The following KDM4B variants were observed in gnomAD, a reference collection of about 807,000 sequenced individuals.
KDM4B encodes lysine-specific demethylase 4B.
KDM4B carries 32 observed loss-of-function variants against 125.2 expected under a neutral mutation model. The observed-to-expected ratio is 0.26, with a 90% CI of 0.19 to 0.34. The LOEUF (loss-of-function observed/expected upper bound fraction) is 0.34. Ranked by LOEUF, KDM4B falls within the 10% of genes least tolerant of loss-of-function variation. The pLI is 1.00. For missense variants in KDM4B, 1,190 were observed against 1,577.7 expected, an observed-to-expected ratio of 0.75 and a Z score of 4.16; for synonymous variants, 721 against 677.9, an observed-to-expected ratio of 1.06 and a Z score of -0.99.
rs1200769258 is a variant in KDM4B at position 5,082,291 on chromosome 19, C to A, written c.781-76C>A. On this transcript the variant is annotated intron_variant, in intron 8 of 22. Transcript: ENST00000159111. The surrounding 1 kb of genome is among the most constrained non-coding windows in gnomAD (Gnocchi z 5.4). ...CATAAGCCAGGCTCCCTGGCACTTG[C>A]TGGGAAGTGCCCACGTCCCATCCCC... 11 of 1,576,304 alleles carry A rather than the reference C, an allele frequency of 7.0e-6. No individual in the cohort carries two copies. The Admixed American group carries it at 1.9e-4, about 27-fold the overall frequency.
At chr19:5,014,909 T>C (rs2035844128) in intron 1 of KDM4B, among the ~76,000 whole-genome samples, 6 of 151,018 alleles carry the variant, frequency 4.0e-5, no homozygotes. Flanking sequence ...GCAGGAGAAT[T>C]GCTTGAACCC....
At chr19:5,083,219 T>A (rs1460186811) in intron 9 of KDM4B, among the ~76,000 whole-genome samples, 1 of 152,162 alleles carries the variant, frequency 6.6e-6, no homozygotes, top group Non-Finnish European at 1.5e-5. Context: ...CGTACAGCCA[T>A]CTGTGTGGCT....
chr19:5,075,414 C>T (rs1409588071), intron 7 of KDM4B: 2 of 152,300 alleles, frequency 1.3e-5, no homozygotes, highest in Admixed American at 1.3e-4. Flanking sequence ...CGGGTCTTCA[C>T]CTTGTGATTT....
At chr19:5,118,959 G>A (rs567687483) in intron 10 of KDM4B, among the ~76,000 whole-genome samples, 1 of 152,340 alleles carries the variant, frequency 6.6e-6, no homozygotes, top group South Asian at 2.1e-4. Context: ...TGTGGGCACA[G>A]GTCAGAGCAG....
At position 5,113,867 on chromosome 19, in the gene KDM4B, G is replaced by A. The variant is rs559185914; in HGVS notation, c.1115+3049G>A. 3 of 984,690 alleles carry A rather than the reference G, an allele frequency of 3.0e-6. No homozygotes were observed. The African/African-American group carries it at 5.2e-5, about 17-fold the overall frequency. 61.0% of individuals were successfully genotyped at this position (984,690 alleles called of 1,614,324 possible). On this transcript the variant is annotated intron_variant, in intron 10 of 22. Transcript: ENST00000159111. ...CCTGCCCTCGGCGTGGCTGTGGGATGGCCCTCATGTGTTTACCAGGTGCCC... is the reference window on the plus strand; with the variant it reads ...CCTGCCCTCGGCGTGGCTGTGGGATAGCCCTCATGTGTTTACCAGGTGCCC...
chr19:5,131,663 A>G lies in KDM4B; in HGVS notation c.1785+118A>G, dbSNP rs566929464. 6.3e-4 allele frequency: 140 copies of G among 222,974 alleles called. 2 individuals are homozygous for G. In the African/African-American group the frequency reaches 0.011, roughly 18 times the overall value. The allele number at this position is 222,974 out of a possible 1,614,324, so 13.8% of individuals were successfully genotyped here. A position where few individuals can be genotyped will look rare whatever the true frequency, so the allele number is the denominator to read the frequency against. On this transcript the variant is annotated intron_variant, in intron 12 of 22. Transcript: ENST00000159111. ...GGGGAGGGGGCAGGGAGGAGGGGACAGGAGGGCTGACTGCTGGTTTCACAG... is the reference window on the plus strand; with the variant it reads ...GGGGAGGGGGCAGGGAGGAGGGGACGGGAGGGCTGACTGCTGGTTTCACAG...
chr19:4,977,595 G>A lies in KDM4B; in HGVS notation c.-109+8365G>A, dbSNP rs368855366. Among the ~76,000 whole-genome samples, 39 of 152,340 alleles carry A rather than the reference G, an allele frequency of 2.6e-4. No individual in the cohort carries two copies. The South Asian group carries it at 6.6e-3, about 26-fold the overall frequency. ...CTGCCCTAGTCTCCAGGGAGAGAGCGTGGAGACAGACGATTTGTATGAGAT... is the reference window on the plus strand; with the variant it reads ...CTGCCCTAGTCTCCAGGGAGAGAGCATGGAGACAGACGATTTGTATGAGAT... On this transcript the variant is annotated intron_variant, in intron 1 of 22. Transcript: ENST00000159111.
At chr19:5,110,878 G>A in intron 10 of KDM4B, 60 bp downstream of exon 10, 1 of 1,422,822 alleles carries the variant, frequency 7.0e-7, no homozygotes, top group Non-Finnish European at 9.4e-7. Flanking sequence ...GCCCTGCTGG[G>A]TGGCCCAGGC....
chr19:5,117,405 G>A (rs1351847188), intron 10 of KDM4B, among the ~76,000 whole-genome samples: 3 of 152,112 alleles, frequency 2.0e-5, no homozygotes, highest in Non-Finnish European at 4.4e-5. Context: ...CGGCATGGGA[G>A]GGCGCCCTTC....
At position 5,039,934 on chromosome 19, in the gene KDM4B, G is replaced by A. The variant is rs1440353753; in HGVS notation, c.240G>A (p.Ser80=). 4.3e-6 allele frequency: 7 copies of A among 1,612,876 alleles called. No individual in the cohort carries two copies. Among genetic ancestry groups the A allele is most frequent in the East Asian group, 2.2e-5 (1 of 44,892 alleles). Residue 80 remains serine (S), a synonymous_variant, in exon 4 of 23, where the codon TCG becomes TCA. Coordinates refer to ENST00000159111, the MANE Select transcript of KDM4B (RefSeq NM_015015.3). ...APIQQVVTGQ[S]GLFTQYNIQK... ...TCCAGCAGGTGGTGACGGGCCAGTC[G>A]GGCCTCTTCACGCAGTACAATATCC...
intron 6 of KDM4B, among the ~76,000 whole-genome samples, chr19:5,060,465 G>GAAAAAAAA (rs2037557697): frequency 3.0e-5 from 1 of 32,894 alleles, no homozygotes. Context: ...AAAAAAAAAG[G>GAAAAAAAA]GAGCCATGAT....
intron 22 of KDM4B, 51 bp from the exon 23 acceptor site, chr19:5,151,284 C>T (rs764478611): frequency 2.1e-5 from 29 of 1,388,086 alleles, no homozygotes; most frequent in Middle Eastern, 2.3e-4. Flanking sequence ...TGGCTGGGGC[C>T]GCACAGAGTG....
intron 18 of KDM4B, 110 bp downstream of exon 18, chr19:5,138,180 T>C: frequency 1.3e-6 from 1 of 768,878 alleles, no homozygotes; most frequent in Non-Finnish European, 2.1e-6. Flanking sequence ...GCTCTGCGTC[T>C]CCATGGGGGT....
chr19:5,047,182 T>TTAAA, intron 5 of KDM4B: 4 of 356,274 alleles, frequency 1.1e-5, no homozygotes, highest in Non-Finnish European at 2.1e-5. Context: ...CTATAGCCTA[T>TTAAA]AGTCCCAGGT....
At chr19:5,018,929 G>A (rs1274148555) in intron 2 of KDM4B, among the ~76,000 whole-genome samples, 2 of 152,252 alleles carry the variant, frequency 1.3e-5, no homozygotes, top group Non-Finnish European at 2.9e-5. Flanking sequence ...GTTCTGCTGT[G>A]TGTGGTGCCG....
At chr19:5,113,389 A>T (rs1311076451) in intron 10 of KDM4B, 3 of 148,152 alleles carry the variant, frequency 2.0e-5, no homozygotes, top group African/African-American at 7.5e-5. Context: ...GGAGAGGCAG[A>T]TGGGTGACTC....
At chr19:5,043,251 A>G (rs1225808948) in intron 5 of KDM4B, among the ~76,000 whole-genome samples, 3 of 114,348 alleles carry the variant, frequency 2.6e-5, no homozygotes, top group Non-Finnish European at 5.4e-5. Context: ...TGGGGTGTCC[A>G]CCTTATCCCG....
intron 9 of KDM4B, among the ~76,000 whole-genome samples, chr19:5,084,471 T>A (rs1449190313): frequency 7.2e-6 from 1 of 139,790 alleles, no homozygotes; most frequent in Non-Finnish European, 1.5e-5. Context: ...ATATTATATA[T>A]AAATATAAAT....
intron 2 of KDM4B, among the ~76,000 whole-genome samples, chr19:5,023,503 G>T (rs1367639041): frequency 6.6e-6 from 1 of 152,186 alleles, no homozygotes; most frequent in Non-Finnish European, 1.5e-5. Flanking sequence ...GTGGCTTGGG[G>T]CTCCTCTGTC....
Sources: allele counts gnomAD v4.1 joint callset (sites outside exome capture counted in the v4.1 genomes callset), GRCh38; gene constraint gnomAD v4.1.1; non-coding constraint Gnocchi (gnomAD v3.1); transcripts MANE v1.5; gene names NCBI Gene and HGNC (gene_info 2026-07-23, HGNC 2026-07-21).